ST6GALNAC6: variants seen among roughly 807,000 people sequenced by gnomAD.
The protein encoded by ST6GALNAC6 is ST6 N-acetylgalactosaminide alpha-2,6-sialyltransferase 6.
Under a neutral mutation model 34.3 loss-of-function variants are expected in ST6GALNAC6, and 19 were observed. That is an observed-to-expected ratio of 0.55 (90% CI 0.39 to 0.81). The LOEUF (loss-of-function observed/expected upper bound fraction) is 0.81. ST6GALNAC6 is among the 40% of genes least tolerant of loss of function. ST6GALNAC6 has a pLI of 0.00. For missense variants in ST6GALNAC6, 377 were observed against 467.7 expected, an observed-to-expected ratio of 0.81 and a Z score of 1.79; for synonymous variants, 185 against 182.1, an observed-to-expected ratio of 1.02 and a Z score of -0.13.
At position 127,896,298 on chromosome 9, in the gene ST6GALNAC6, C is replaced by CA. The variant is rs1418975049; in HGVS notation, c.60dup (p.Ala21CysfsTer17). On this transcript the variant is annotated frameshift_variant, in exon 3 of 7. Transcript: ENST00000373146. LOFTEE classifies it high-confidence loss of function. ...CTGAGGGGTAGGTGTCGGCGTCCTG[C>CA]AGGTGGCCCTGGGGGCAGGGATGTG... 1.9e-6 allele frequency: 3 copies of CA among 1,613,754 alleles called. No individual in the cohort carries two copies. The highest frequency in any genetic ancestry group is 2.5e-6 in the Non-Finnish European group (3 of 1,179,856).
intron 5 of ST6GALNAC6, among the ~76,000 whole-genome samples, chr9:127,889,766 AT>A (rs1257248739): frequency 6.6e-6 from 1 of 152,284 alleles, no homozygotes; most frequent in African/African-American, 2.4e-5. Context: ...TCTATATGCC[AT>A]TTCTATATAT....
At chr9:127,897,265 G>A (rs1830520793) in intron 2 of ST6GALNAC6, 2 of 985,954 alleles carry the variant, frequency 2.0e-6, no homozygotes, top group Non-Finnish European at 2.4e-6. Context: ...GGGGCAGGGC[G>A]GGCAGGAGTG....
chr9:127,895,028 T>C (rs928962028), intron 3 of ST6GALNAC6, among the ~76,000 whole-genome samples: 2 of 152,186 alleles, frequency 1.3e-5, no homozygotes, highest in Non-Finnish European at 2.9e-5. Context: ...GGATTCCCTA[T>C]AGCTGCTGCT....
intron 3 of ST6GALNAC6, 60 bp downstream of exon 3, chr9:127,896,182 A>G (rs1830440727): frequency 6.3e-7 from 1 of 1,579,944 alleles, no homozygotes. Context: ...GTCCAAAGGA[A>G]CCCGTTCCAT....
chr9:127,893,552 C>T (rs1057189885), intron 4 of ST6GALNAC6, among the ~76,000 whole-genome samples: 2 of 152,206 alleles, frequency 1.3e-5, no homozygotes, highest in African/African-American at 4.8e-5. Context: ...CTCCAAGATC[C>T]AGCAACACAT....
chr9:127,893,825 G>A (rs918819321), intron 4 of ST6GALNAC6, among the ~76,000 whole-genome samples: 1 of 152,160 alleles, frequency 6.6e-6, no homozygotes, highest in Non-Finnish European at 1.5e-5. Flanking sequence ...CTCTGCATGC[G>A]AAGGCCCTGA....
At chr9:127,888,661 G>A (rs1829943057) in intron 5 of ST6GALNAC6, among the ~76,000 whole-genome samples, 1 of 149,488 alleles carries the variant, frequency 6.7e-6, no homozygotes, top group South Asian at 2.1e-4. Context: ...ACAAAAATTA[G>A]CTGGCGTGGT....
At chr9:127,905,334 A>G, upstream of ST6GALNAC6, 1 of 985,562 alleles carries the variant, frequency 1.0e-6, no homozygotes, top group Non-Finnish European at 1.2e-6. Context: ...TGCCTGGAGG[A>G]AGTGACTGAC....
chr9:127,888,917 T>A (rs1829964029), intron 5 of ST6GALNAC6, among the ~76,000 whole-genome samples: 1 of 152,202 alleles, frequency 6.6e-6, no homozygotes, highest in African/African-American at 2.4e-5. Flanking sequence ...CAATTGAACA[T>A]TGTACTGAAA....
intron 5 of ST6GALNAC6, 40 bp from the exon 6 acceptor site, chr9:127,887,631 G>A (rs756187711): frequency 6.5e-7 from 1 of 1,527,212 alleles, no homozygotes; most frequent in Non-Finnish European, 9.0e-7. Flanking sequence ...CACATGCAGG[G>A]AGAGATGGGA....
upstream of ST6GALNAC6, among the ~76,000 whole-genome samples, chr9:127,901,281 G>C (rs1211490681): frequency 6.6e-6 from 1 of 152,080 alleles, no homozygotes; most frequent in Non-Finnish European, 1.5e-5. Flanking sequence ...AAGAGGTATT[G>C]GAAGATAAGT....
chr9:127,892,374 T>C (rs1341838419), intron 4 of ST6GALNAC6, among the ~76,000 whole-genome samples: 4 of 152,172 alleles, frequency 2.6e-5, no homozygotes, highest in African/African-American at 9.7e-5. Flanking sequence ...AAAACTGACT[T>C]TGTAAAGTTA....
upstream of ST6GALNAC6, among the ~76,000 whole-genome samples, chr9:127,901,722 A>G (rs887726739): frequency 6.6e-6 from 1 of 152,234 alleles, no homozygotes. Context: ...ACCTGAGGTC[A>G]GGAGTTTGAG....
Position 127,890,071 on chromosome 9 carries a change from A to G in ST6GALNAC6, c.704+566T>C, listed in dbSNP as rs555322951. On this transcript the variant is annotated intron_variant, in intron 5 of 6. Transcript: ENST00000373146. This position sits in a 1 kb window ranked among gnomAD's most constrained non-coding sequence, Gnocchi z 4.3. ...CTCAGCCTCCTGAGTAGCTAGGACT[A>G]CAGGTACAAGCCACCGCACACAGCT... Among the ~76,000 whole-genome samples the G allele has an allele frequency of 1.2e-4, 19 of 152,298 alleles. No individual in the cohort carries two copies. The highest frequency in any genetic ancestry group is 2.6e-4 in the Non-Finnish European group (18 of 68,028).
At chr9:127,905,384 C>T (rs1830890853), upstream of ST6GALNAC6, 34 of 985,608 alleles carry the variant, frequency 3.4e-5, no homozygotes, top group South Asian at 1.4e-3. Context: ...GAAAGACACA[C>T]CATTTGGGCC....
chr9:127,900,769 T>A (rs1830723388), upstream of ST6GALNAC6, among the ~76,000 whole-genome samples: 1 of 151,260 alleles, frequency 6.6e-6, no homozygotes, highest in Non-Finnish European at 1.5e-5. Context: ...CTGGTCCACA[T>A]GGTGAAACCC....
chr9:127,888,278 CG>C (rs1262980317), intron 5 of ST6GALNAC6, among the ~76,000 whole-genome samples: 6 of 151,664 alleles, frequency 4.0e-5, no homozygotes, highest in Non-Finnish European at 7.4e-5. Context: ...CTGAGGTGGG[CG>C]GATCACCTGA....
chr9:127,886,145 G>A lies in ST6GALNAC6; in HGVS notation c.*454C>T, dbSNP rs574305105. ...AATTCTCTGGCCGGGCCTCCAGACA[G>A]CTTCTACCCCCACACAATCTCTCTT... is the stretch of plus-strand genomic sequence containing the variant. On this transcript the variant is annotated 3_prime_UTR_variant, in exon 7 of 7. Transcript: ENST00000373146. The A allele has an allele frequency of 3.8e-5, 8 of 210,424 alleles. No individual in the cohort carries two copies. In the South Asian group the frequency reaches 1.1e-3, roughly 28 times the overall value. The allele number at this position is 210,424 out of a possible 1,614,324, so 13.0% of individuals were successfully genotyped here.
At chr9:127,898,858 G>A (rs888325646) in intron 1 of ST6GALNAC6, among the ~76,000 whole-genome samples, 1 of 152,234 alleles carries the variant, frequency 6.6e-6, no homozygotes, top group African/African-American at 2.4e-5. Flanking sequence ...CAGGGCGGGG[G>A]TCTAGGGGTG....
Sources: gnomAD v4.1 joint callset for allele counts (sites outside exome capture counted in the v4.1 genomes callset) on GRCh38, gnomAD v4.1.1 for gene constraint, Gnocchi (gnomAD v3.1) non-coding constraint, MANE v1.5 for transcripts, NCBI Gene and HGNC (gene_info 2026-07-23, HGNC 2026-07-21) for gene names.